TOR3A: variants seen among roughly 807,000 people sequenced by gnomAD.
TOR3A encodes torsin-3A.
In TOR3A, 44 loss-of-function variants were observed where a neutral mutation model predicts 42.1. The ratio of observed to expected loss-of-function variants is 1.04; its 90% CI spans 0.82 to 1.34. The LOEUF is 1.34. TOR3A is among the 40% of genes most tolerant of loss of function. TOR3A has a pLI of 0.00. For synonymous variants in TOR3A, 227 were observed against 213.2 expected (o/e 1.06, Z -0.57); for missense variants, 521 against 507.6 (o/e 1.03, Z -0.25).
Position 179,083,592 on chromosome 1 carries a change from G to C in TOR3A, c.373+539G>C, listed in dbSNP as rs867080794. 5.4e-4 allele frequency among the ~76,000 whole-genome samples: 63 copies of C among 117,238 alleles called. 11 individuals carry two copies. The East Asian group carries it at 0.01, about 19-fold the overall frequency. The allele number at this position is 117,238 out of a possible 152,430, so 76.9% of individuals were successfully genotyped here. A position where few individuals can be genotyped will look rare whatever the true frequency, so the allele number is the denominator to read the frequency against. Reference sequence around the variant, plus strand: ...ATTTTTAGTAGAGGCGGGGGGGGGGGGGGGGGGCGGGTTTCACCATGTTGG... The same window carrying C: ...ATTTTTAGTAGAGGCGGGGGGGGGGCGGGGGGGCGGGTTTCACCATGTTGG... On this transcript the variant is annotated intron_variant, in intron 2 of 5. Transcript: ENST00000367627.
chr1:179,094,914 C>T, intron 5 of TOR3A, 54 bp from the exon 6 acceptor site: 1 of 1,576,252 alleles, frequency 6.3e-7, no homozygotes, highest in South Asian at 1.1e-5. Context: ...CCGCTAAATT[C>T]CAGCTAGGTT....
chr1:179,084,691 T>C (rs1241382495), intron 2 of TOR3A, among the ~76,000 whole-genome samples: 1 of 152,258 alleles, frequency 6.6e-6, no homozygotes, highest in Non-Finnish European at 1.5e-5. Flanking sequence ...CTCAATGTTT[T>C]ATCATAGACC....
chr1:179,092,676 G>A (rs1557889206), intron 4 of TOR3A, among the ~76,000 whole-genome samples: 1 of 152,156 alleles, frequency 6.6e-6, no homozygotes, highest in Non-Finnish European at 1.5e-5. Flanking sequence ...GTGAAACCCT[G>A]TCTCTACTAA....
chr1:179,095,876 C>T lies in TOR3A; in HGVS notation c.*658C>T, dbSNP rs180733484. 3 of 982,658 alleles carry T rather than the reference C, an allele frequency of 3.1e-6. No homozygotes were observed. Among genetic ancestry groups the T allele is most frequent in the Admixed American group, 1.3e-4 (2 of 15,922 alleles). The allele number at this position is 982,658 out of a possible 1,614,324, so 60.9% of individuals were successfully genotyped here. A position where few individuals can be genotyped will look rare whatever the true frequency, so the allele number is the denominator to read the frequency against. The stretch of plus-strand genomic sequence containing the variant: ...TTTTACAAACCAGGTCAGTGTAGGC[C>T]AAGACTTATGGTCTACAGATTTTGG... On this transcript the variant is annotated 3_prime_UTR_variant, in exon 6 of 6. Coordinates refer to ENST00000367627, the MANE Select transcript of TOR3A (RefSeq NM_022371.4).
At chr1:179,087,169 T>C (rs1652457481) in intron 3 of TOR3A, among the ~76,000 whole-genome samples, 1 of 152,216 alleles carries the variant, frequency 6.6e-6, no homozygotes. Flanking sequence ...CCCTGAATAA[T>C]ATATTCCCTG....
chr1:179,092,424 C>G (rs1037812767), intron 4 of TOR3A, among the ~76,000 whole-genome samples: 2 of 152,132 alleles, frequency 1.3e-5, no homozygotes, highest in Non-Finnish European at 2.9e-5. Flanking sequence ...TCTGCTGGAC[C>G]TGAGGAAAAT....
chr1:179,089,321 CAAAAAA>C (rs11311033), intron 4 of TOR3A, among the ~76,000 whole-genome samples: 14 of 130,786 alleles, frequency 1.1e-4, no homozygotes, highest in African/African-American at 3.3e-4. Flanking sequence ...GACTCCATCT[CAAAAAA>C]AAAAAAAAAA....
chr1:179,089,495 T>C (rs1490176418), intron 4 of TOR3A, among the ~76,000 whole-genome samples: 1 of 152,106 alleles, frequency 6.6e-6, no homozygotes, highest in Admixed American at 6.5e-5. Context: ...GAGAGATCTC[T>C]TGCATGATTT....
intron 2 of TOR3A, among the ~76,000 whole-genome samples, chr1:179,084,858 C>A (rs12116579): frequency 0.059 from 8,935 of 152,300 alleles, 333 homozygotes; most frequent in South Asian, 0.12. Context: ...TACAACCTCA[C>A]GTCTGACAGG....
At position 179,094,957 on chromosome 1, in the gene TOR3A, C is replaced by T; in HGVS notation, c.944-11C>T. ...AGGTCAGACTCCATGTAACTTTGGT[C>T]TTGCTTTCAGACAATGGCTTTGGCC... On this transcript the variant is annotated splice_polypyrimidine_tract_variant and intron_variant, in intron 5 of 5. Transcript: ENST00000367627. The T allele has an allele frequency of 3.1e-6, 5 of 1,614,082 alleles. No homozygotes were observed. The highest frequency in any genetic ancestry group is 4.2e-6 in the Non-Finnish European group (5 of 1,179,980).
Position 179,082,143 on chromosome 1 carries a change from G to A in TOR3A, c.15G>A (p.Pro5=), listed in dbSNP as rs776149970. 2.1e-5 allele frequency: 31 copies of A among 1,504,478 alleles called. No individual in the cohort carries two copies. The highest frequency in any genetic ancestry group is 1.0e-4 in the African/African-American group (7 of 68,896). The allele number at this position is 1,504,478 out of a possible 1,614,324, so 93.2% of individuals were successfully genotyped here. Residue 5 remains proline, a synonymous_variant, in exon 1 of 6, where the codon CCG becomes CCA. Transcript: ENST00000367627. ...CGGGGCCGGCCATGCTTCGCGGTCCGTGGCGCCAGCTTTGGCTCTTTTTCC... is the reference window on the plus strand; with the variant it reads ...CGGGGCCGGCCATGCTTCGCGGTCCATGGCGCCAGCTTTGGCTCTTTTTCC... The part of the protein sequence containing the change: MLRG[P]WRQLWLFFLL...
intron 5 of TOR3A, among the ~76,000 whole-genome samples, chr1:179,094,603 G>T (rs540208145): frequency 1.3e-5 from 2 of 152,294 alleles, no homozygotes; most frequent in East Asian, 3.9e-4. Context: ...TCGGGGCCAG[G>T]TGTGGTGGCT....
Position 179,094,222 on chromosome 1 carries a change from G to A in TOR3A, c.943+5G>A, listed in dbSNP as rs371636947. ...CGGAGATTGTGGAGACCATAGGTGA[G>A]TAACTGACTCAATATGCCTCTGGTG... On this transcript the variant is annotated splice_donor_5th_base_variant and intron_variant, in intron 5 of 5. Transcript: ENST00000367627. 6.8e-6 allele frequency: 11 copies of A among 1,609,930 alleles called. No homozygotes were observed. In the African/African-American group the frequency reaches 1.3e-4, roughly 20 times the overall value.
chr1:179,088,793 C>G (rs1281502728), intron 4 of TOR3A, among the ~76,000 whole-genome samples: 1 of 152,204 alleles, frequency 6.6e-6, no homozygotes, highest in Admixed American at 6.5e-5. Flanking sequence ...TGTCCAACCT[C>G]ATCTTTTTGC....
At chr1:179,085,032 T>C (rs1186078224) in intron 2 of TOR3A, among the ~76,000 whole-genome samples, 1 of 152,218 alleles carries the variant, frequency 6.6e-6, no homozygotes, top group East Asian at 1.9e-4. Context: ...GGTTCCTCCC[T>C]AGACAGGTCT....
intron 4 of TOR3A, among the ~76,000 whole-genome samples, chr1:179,090,757 A>G (rs1280822929): frequency 6.6e-6 from 1 of 152,142 alleles, no homozygotes; most frequent in Non-Finnish European, 1.5e-5. Context: ...TCTGCCAAGT[A>G]TAGAAGGCTG....
At chr1:179,082,799 C>T in intron 1 of TOR3A, 141 bp from the exon 2 acceptor site, 2 of 724,244 alleles carry the variant, frequency 2.8e-6, no homozygotes, top group South Asian at 1.5e-5. Flanking sequence ...TGAGGACCGA[C>T]AGTGGGCCGA....
At chr1:179,082,723 A>G in intron 1 of TOR3A, 2 of 703,544 alleles carry the variant, frequency 2.8e-6, no homozygotes, top group Non-Finnish European at 5.2e-6. Flanking sequence ...TGACAGCTCT[A>G]GGGAACGTCC....
At chr1:179,086,388 C>T (rs953233766) in intron 3 of TOR3A, among the ~76,000 whole-genome samples, 6 of 152,152 alleles carry the variant, frequency 3.9e-5, no homozygotes, top group South Asian at 2.1e-4. Context: ...GCCTATTGGC[C>T]GGACATGGTG....
Sources: gnomAD v4.1 joint callset for allele counts (sites outside exome capture counted in the v4.1 genomes callset) on GRCh38, gnomAD v4.1.1 for gene constraint, MANE v1.5 for transcripts, NCBI Gene and HGNC (gene_info 2026-07-23, HGNC 2026-07-21) for gene names.